The following PEBP4 variants were observed in gnomAD, a reference collection of about 807,000 sequenced individuals.
PEBP4 encodes the protein phosphatidylethanolamine-binding protein 4.
PEBP4 carries 22 observed loss-of-function variants against 23.9 expected under a neutral mutation model. That is an observed-to-expected ratio of 0.92 (90% confidence interval 0.66 to 1.31). The LOEUF (loss-of-function observed/expected upper bound fraction) is 1.31. Among genes scored for constraint, PEBP4 ranks in the 40% most tolerant of loss-of-function variants. The pLI, the probability that PEBP4 is intolerant of heterozygous loss-of-function variation, is 0.00. For synonymous variants in PEBP4, 112 were observed against 99.3 expected (o/e 1.13, Z -0.76); for missense variants, 324 against 281.7 (o/e 1.15, Z -1.07).
chr8:22,845,199 T>C (rs990674703), intron 3 of PEBP4, among the ~76,000 whole-genome samples: 8 of 152,010 alleles, frequency 5.3e-5, no homozygotes, highest in Non-Finnish European at 8.8e-5. Flanking sequence ...AGCTCTGCAA[T>C]GGGCTGCCTG....
intron 6 of PEBP4, among the ~76,000 whole-genome samples, chr8:22,718,801 G>A (rs1028662203): frequency 6.6e-6 from 1 of 152,128 alleles, no homozygotes; most frequent in Admixed American, 6.5e-5. Flanking sequence ...CTGAGGGCGG[G>A]GGCTGGTCTC....
In PEBP4 at chr8:22,782,722, TCATCTGATTG is replaced by T. The variant is rs1805951454; in HGVS notation, c.357+34905_357+34914del. Among the ~76,000 whole-genome samples the T allele has an allele frequency of 2.0e-5, 3 of 152,232 alleles. No homozygotes were observed. The South Asian group carries it at 6.2e-4, about 32-fold the overall frequency. ...TTCCCTAGGGAGAGCCCGACCACTT[TCATCTGATTG>T]GCATCTCTGATCCTCCAGGAGGTTA... On this transcript the variant is annotated intron_variant, in intron 4 of 6. Transcript: ENST00000256404.
chr8:22,813,605 A>G (rs966640775), intron 4 of PEBP4, among the ~76,000 whole-genome samples: 10 of 152,240 alleles, frequency 6.6e-5, no homozygotes, highest in Non-Finnish European at 1.0e-4. Context: ...TATCCTAATG[A>G]GCTTTCAGCA....
At chr8:22,764,257 T>TA (rs1805566057) in intron 4 of PEBP4, among the ~76,000 whole-genome samples, 1 of 152,028 alleles carries the variant, frequency 6.6e-6, no homozygotes, top group African/African-American at 2.4e-5. Context: ...TTGAATCTAA[T>TA]ACACACACAC....
intron 3 of PEBP4, among the ~76,000 whole-genome samples, chr8:22,898,659 G>A (rs1808646478): frequency 6.6e-6 from 1 of 152,200 alleles, no homozygotes. Context: ...GAAAGCTAGA[G>A]GTGGCCCCTT....
chr8:22,882,939 G>C lies in PEBP4; in HGVS notation c.258+37245C>G, dbSNP rs552907944. On this transcript the variant is annotated intron_variant, in intron 3 of 6. Transcript: ENST00000256404. ...ACCCTACCCCACCTGTTCCTCCCAC[G>C]ATGAAGACTCCTACTCAGGTTTTTC... Among the ~76,000 whole-genome samples, 9 of 152,222 alleles carry C rather than the reference G, an allele frequency of 5.9e-5. No individual in the cohort carries two copies. The East Asian group carries it at 1.4e-3, about 23-fold the overall frequency.
chr8:22,910,409 A>T (rs1005873229), intron 3 of PEBP4, among the ~76,000 whole-genome samples: 1 of 152,256 alleles, frequency 6.6e-6, no homozygotes, highest in African/African-American at 2.4e-5. Context: ...CCAAGCATAC[A>T]GAGGTCTCTG....
In PEBP4 at chr8:22,792,373, T is replaced by A. The variant is rs139081115; in HGVS notation, c.357+25264A>T. Among the ~76,000 whole-genome samples the A allele has an allele frequency of 7.8e-3, 1,195 of 152,230 alleles. 17 individuals are homozygous for A. Among genetic ancestry groups the A allele is most frequent in the African/African-American group, 0.028 (1,146 of 41,534 alleles). ...TACCCCATAGAACACTTCCCGGTGCTTCTAAGGTGGAGATGAAAGAGCTGG... is the reference window on the plus strand; with the variant it reads ...TACCCCATAGAACACTTCCCGGTGCATCTAAGGTGGAGATGAAAGAGCTGG... On this transcript the variant is annotated intron_variant, in intron 4 of 6. Coordinates refer to ENST00000256404, the MANE Select transcript of PEBP4 (RefSeq NM_144962.3).
upstream of PEBP4, among the ~76,000 whole-genome samples, chr8:22,929,649 G>T (rs1364732411): frequency 6.6e-6 from 1 of 152,212 alleles, no homozygotes; most frequent in Admixed American, 6.5e-5. Context: ...AGAAGTGGCA[G>T]ACCTGGAATT....
At chr8:22,722,011 C>A (rs1804529246) in intron 6 of PEBP4, among the ~76,000 whole-genome samples, 1 of 152,164 alleles carries the variant, frequency 6.6e-6, no homozygotes. Context: ...TCCTCTCATT[C>A]TGGTCAGTTC....
At chr8:22,815,425 G>A (rs563936882) in intron 4 of PEBP4, among the ~76,000 whole-genome samples, 1 of 152,266 alleles carries the variant, frequency 6.6e-6, no homozygotes, top group East Asian at 1.9e-4. Context: ...ACTTAGCAGT[G>A]GTGAACACCA....
At chr8:22,924,786 G>A (rs752253639) in intron 2 of PEBP4, 25 of 985,308 alleles carry the variant, frequency 2.5e-5, no homozygotes, top group Non-Finnish European at 2.9e-5. Flanking sequence ...TTCTGCGACT[G>A]AGCCCAGGGT....
intron 4 of PEBP4, among the ~76,000 whole-genome samples, chr8:22,760,577 G>C (rs1805487154): frequency 6.6e-6 from 1 of 152,046 alleles, no homozygotes; most frequent in South Asian, 2.1e-4. Flanking sequence ...TGGCAGGGGG[G>C]GCAGTTGAGT....
chr8:22,857,405 A>G (rs147671138), intron 3 of PEBP4, among the ~76,000 whole-genome samples: 94 of 152,316 alleles, frequency 6.2e-4, no homozygotes, highest in African/African-American at 2.1e-3. Context: ...CCATTCCAGA[A>G]AACACTTGTG....
At chr8:22,817,049 C>G (rs1306807485) in intron 4 of PEBP4, among the ~76,000 whole-genome samples, 1 of 152,198 alleles carries the variant, frequency 6.6e-6, no homozygotes, top group Non-Finnish European at 1.5e-5. Flanking sequence ...GATTTGAGGA[C>G]CCTCCCTGAA....
At chr8:22,794,042 T>C (rs978916550) in intron 4 of PEBP4, among the ~76,000 whole-genome samples, 1 of 152,108 alleles carries the variant, frequency 6.6e-6, no homozygotes, top group African/African-American at 2.4e-5. Context: ...GTGGTGATGG[T>C]TTCTTGTTTT....
intron 4 of PEBP4, among the ~76,000 whole-genome samples, chr8:22,783,608 C>T (rs1451894489): frequency 2.0e-5 from 3 of 152,218 alleles, no homozygotes; most frequent in African/African-American, 7.2e-5. Context: ...GATCTCACAG[C>T]AGCGACCCTC....
At chr8:22,934,945 G>A (rs749640106) in intron 1 of PEBP4, among the ~76,000 whole-genome samples, 18 of 152,120 alleles carry the variant, frequency 1.2e-4, no homozygotes, top group Non-Finnish European at 2.2e-4. Flanking sequence ...ACACAGTAAC[G>A]AAAAGAGAAC....
intron 3 of PEBP4, among the ~76,000 whole-genome samples, chr8:22,903,054 AT>A (rs1185098876): frequency 6.6e-6 from 1 of 152,162 alleles, no homozygotes; most frequent in African/African-American, 2.4e-5. Flanking sequence ...TGGCAGTGGT[AT>A]TTCAGGTACA....
Sources: allele counts gnomAD v4.1 joint callset (sites outside exome capture counted in the v4.1 genomes callset), GRCh38; gene constraint gnomAD v4.1.1; transcripts MANE v1.5; gene names NCBI Gene and HGNC (gene_info 2026-07-23, HGNC 2026-07-21).